SLIT1: variants seen among roughly 807,000 people sequenced by gnomAD.
SLIT1 encodes the protein slit guidance ligand 1.
A neutral mutation model predicts 186.1 loss-of-function variants in SLIT1; 66 were observed. The ratio of observed to expected loss-of-function variants is 0.35; its 90% CI spans 0.29 to 0.44. The LOEUF (loss-of-function observed/expected upper bound fraction) is 0.44. Ranked by LOEUF, SLIT1 falls within the 20% of genes least tolerant of loss-of-function variation. The pLI, the probability that SLIT1 is intolerant of heterozygous loss-of-function variation, is 1.00. For missense variants in SLIT1, 1,638 were observed against 2,037.4 expected (o/e 0.80, Z 3.77); for synonymous variants, 761 against 833.8 (o/e 0.91, Z 1.50).
At chr10:97,175,823 C>T (rs556136425) in intron 1 of SLIT1, among the ~76,000 whole-genome samples, 10 of 152,290 alleles carry the variant, frequency 6.6e-5, no homozygotes, top group African/African-American at 2.4e-4. Context: ...CCGCCTGCAC[C>T]ACCACCTCCC....
chr10:97,039,234 G>C (rs1848668572), intron 21 of SLIT1, among the ~76,000 whole-genome samples: 1 of 152,210 alleles, frequency 6.6e-6, no homozygotes, highest in Non-Finnish European at 1.5e-5. Context: ...GAGGTCAGAG[G>C]TCAGGAGCTG....
rs762663611 is a variant in SLIT1 at position 97,059,510 on chromosome 10, G to A, written c.1035C>T (p.Ile345=). 58 of 1,613,682 alleles carry A rather than the reference G, an allele frequency of 3.6e-5. 1 individual carries two copies. In the Admixed American group the frequency reaches 5.8e-4, roughly 16 times the overall value. ...LRRIDLSNNQ[I]AEIAPDAFQG... is the part of the protein sequence containing the mutation. ...GGAAGGCGTCGGGTGCAATCTCAGC[G>A]ATCTGATTGTTGCTCAGGTCTCTGC... The change falls in exon 11 of 37, where the codon ATC becomes ATT. Residue 345 remains isoleucine (I), a synonymous_variant. Coordinates refer to ENST00000266058, the MANE Select transcript of SLIT1 (RefSeq NM_003061.3).
Position 97,006,871 on chromosome 10 carries a change from A to C in SLIT1, c.3342-151T>G. The C allele has an allele frequency of 3.2e-6, 2 of 632,430 alleles. No homozygotes were observed. The highest frequency in any genetic ancestry group is 5.5e-5 in the Admixed American group (2 of 36,430). 39.2% of individuals were successfully genotyped at this position (632,430 alleles called of 1,614,324 possible). The stretch of plus-strand genomic sequence containing the variant: ...TCCTAATAAACACTTTTCATGAGAG[A>C]GCTGAGAGCCAGAAGGATACCAGGA... On this transcript the variant is annotated intron_variant, in intron 31 of 36. Coordinates refer to ENST00000266058, the MANE Select transcript of SLIT1 (RefSeq NM_003061.3). This position sits in a 1 kb window ranked among gnomAD's most constrained non-coding sequence, Gnocchi z 4.0.
Position 97,073,818 on chromosome 10 carries a change from T to C in SLIT1, c.414-7732A>G, listed in dbSNP as rs535854226. Among the ~76,000 whole-genome samples the C allele has an allele frequency of 1.9e-3, 288 of 152,276 alleles. 1 individual carries two copies. The highest frequency in any genetic ancestry group is 3.4e-3 in the Non-Finnish European group (233 of 68,000). On this transcript the variant is annotated intron_variant, in intron 4 of 36. Coordinates refer to ENST00000266058, the MANE Select transcript of SLIT1 (RefSeq NM_003061.3). ...AGTTTTCTCATCTGCAACATGGGGA[T>C]GGAAAGCGGCACTTATGTTGCAGGA...
chr10:97,037,658 G>T, intron 22 of SLIT1, 40 bp downstream of exon 22: 1 of 1,525,032 alleles, frequency 6.6e-7, no homozygotes, highest in Non-Finnish European at 9.1e-7. Context: ...ATGGTTAGAT[G>T]CCAAAGGCCC....
intron 4 of SLIT1, among the ~76,000 whole-genome samples, chr10:97,133,111 A>G (rs541326140): frequency 6.6e-6 from 1 of 152,338 alleles, no homozygotes; most frequent in East Asian, 1.9e-4. Context: ...GAGCCACCCC[A>G]GCGTCCATCC....
intron 1 of SLIT1, among the ~76,000 whole-genome samples, chr10:97,166,639 A>AGAAAAGAAAAGAAAAGAAAG (rs1554854803): frequency 2.8e-5 from 4 of 143,466 alleles, no homozygotes; most frequent in East Asian, 4.3e-4. Flanking sequence ...AGAAAAGAAA[A>AGAAAAGAAAAGAAAAGAAAG]GAAAGGAAAG....
At chr10:97,175,516 G>A (rs1850244588) in intron 1 of SLIT1, among the ~76,000 whole-genome samples, 1 of 152,148 alleles carries the variant, frequency 6.6e-6, no homozygotes, top group African/African-American at 2.4e-5. Context: ...CACCAACAGC[G>A]TGCACATCCT....
chr10:97,167,792 AGT>A (rs1355176932), intron 1 of SLIT1, among the ~76,000 whole-genome samples: 2 of 152,196 alleles, frequency 1.3e-5, no homozygotes, highest in African/African-American at 4.8e-5. Context: ...TTCTCGTGAT[AGT>A]GAATAAGTCT....
intron 18 of SLIT1, among the ~76,000 whole-genome samples, chr10:97,046,298 G>T (rs1848732791): frequency 6.6e-6 from 1 of 152,096 alleles, no homozygotes; most frequent in African/African-American, 2.4e-5. Context: ...AATCACCTTG[G>T]CAAGGTCATC....
intron 4 of SLIT1, among the ~76,000 whole-genome samples, chr10:97,080,897 C>G (rs1276566153): frequency 6.6e-6 from 1 of 152,234 alleles, no homozygotes; most frequent in African/African-American, 2.4e-5. Context: ...CACATGCTCC[C>G]AGCCCGGGCT....
At chr10:97,056,566 G>A in intron 12 of SLIT1, 102 bp from the exon 13 acceptor site, 1 of 1,287,672 alleles carries the variant, frequency 7.8e-7, no homozygotes, top group Non-Finnish European at 1.1e-6. Flanking sequence ...GTTATTACAG[G>A]GAGGAGCCCA....
intron 4 of SLIT1, among the ~76,000 whole-genome samples, chr10:97,066,833 G>A (rs187126577): frequency 3.9e-4 from 59 of 152,284 alleles, no homozygotes; most frequent in African/African-American, 1.3e-3. Flanking sequence ...ACCCACAGAG[G>A]CCAGTTCAGC....
chr10:97,062,681 G>A (rs902989268), intron 8 of SLIT1, among the ~76,000 whole-genome samples: 12 of 152,254 alleles, frequency 7.9e-5, no homozygotes, highest in Non-Finnish European at 1.3e-4. Context: ...CCAGGAAGGG[G>A]CAGAGGCAGG....
At chr10:97,071,780 G>T (rs1453686263) in intron 4 of SLIT1, among the ~76,000 whole-genome samples, 3 of 152,198 alleles carry the variant, frequency 2.0e-5, no homozygotes, top group African/African-American at 7.2e-5. Context: ...GAGTACAGCT[G>T]GTGTGGCACT....
At chr10:97,059,584 A>G (rs1848873069) in intron 10 of SLIT1, 53 bp from the exon 11 acceptor site, 1 of 1,358,990 alleles carries the variant, frequency 7.4e-7, no homozygotes, top group East Asian at 2.3e-5. Flanking sequence ...ACAGCCACTA[A>G]GCCCTGCCCA....
intron 4 of SLIT1, among the ~76,000 whole-genome samples, chr10:97,071,902 A>G (rs1350810911): frequency 6.6e-6 from 1 of 152,244 alleles, no homozygotes; most frequent in Non-Finnish European, 1.5e-5. Context: ...TTCTTATAAT[A>G]GCATCAAAGT....
At chr10:97,166,623 G>GAA (rs3979552) in intron 1 of SLIT1, among the ~76,000 whole-genome samples, 25 of 42,656 alleles carry the variant, frequency 5.9e-4, no homozygotes, top group Middle Eastern at 0.02. Flanking sequence ...AAGAAAGAAA[G>GAA]AGAAAAGAAA....
At chr10:97,176,540 T>C (rs1850258818) in intron 1 of SLIT1, among the ~76,000 whole-genome samples, 1 of 152,142 alleles carries the variant, frequency 6.6e-6, no homozygotes, top group Admixed American at 6.6e-5. Flanking sequence ...CTCTGCAAAC[T>C]TCCTTACCAC....
Sources: gnomAD v4.1 joint callset for allele counts (sites outside exome capture counted in the v4.1 genomes callset) on GRCh38, gnomAD v4.1.1 for gene constraint, Gnocchi (gnomAD v3.1) non-coding constraint, MANE v1.5 for transcripts, NCBI Gene and HGNC (gene_info 2026-07-23, HGNC 2026-07-21) for gene names.